Variants in NFIB observed in about 807,000 individuals in gnomAD.
The protein encoded by NFIB is nuclear factor I B.
A neutral mutation model predicts 61.5 loss-of-function variants in NFIB; 11 were observed. The observed-to-expected ratio is 0.18, with a 90% CI of 0.11 to 0.30. NFIB has a LOEUF of 0.30. NFIB is among the 10% of genes least tolerant of loss of function. NFIB has a pLI of 1.00. For synonymous variants in NFIB, 260 were observed against 216.5 expected (o/e 1.20, Z -1.76); for missense variants, 471 against 608.9 (o/e 0.77, Z 2.38).
At chr9:14,187,758 T>A (rs1229813989) in intron 2 of NFIB, among the ~76,000 whole-genome samples, 1 of 152,084 alleles carries the variant, frequency 6.6e-6, no homozygotes, top group Non-Finnish European at 1.5e-5. Flanking sequence ...AATAGGCCAC[T>A]GAAATTTAAG....
chr9:14,217,887 T>C (rs1414660312), intron 2 of NFIB, among the ~76,000 whole-genome samples: 1 of 152,028 alleles, frequency 6.6e-6, no homozygotes, highest in Non-Finnish European at 1.5e-5. Context: ...ATAAAATAGA[T>C]AGGTAAGTAA....
At chr9:14,220,657 C>G (rs2051531746) in intron 2 of NFIB, among the ~76,000 whole-genome samples, 3 of 152,082 alleles carry the variant, frequency 2.0e-5, no homozygotes. Flanking sequence ...ACACTCTCAA[C>G]CTCGTAAACT....
intron 1 of NFIB, among the ~76,000 whole-genome samples, chr9:14,365,839 G>A (rs1027241890): frequency 1.3e-5 from 2 of 152,130 alleles, no homozygotes; most frequent in Non-Finnish European, 2.9e-5. Context: ...GATCTAACGT[G>A]AGACCAAAAA....
At chr9:14,165,935 A>T (rs1204322807) in intron 3 of NFIB, among the ~76,000 whole-genome samples, 1 of 152,204 alleles carries the variant, frequency 6.6e-6, no homozygotes, top group Non-Finnish European at 1.5e-5. Flanking sequence ...TGGTTGCACA[A>T]TGACGTGAAT....
At chr9:14,299,084 G>A (rs763839300) in intron 2 of NFIB, among the ~76,000 whole-genome samples, 10 of 152,166 alleles carry the variant, frequency 6.6e-5, no homozygotes, top group African/African-American at 2.4e-4. Context: ...GAGGGGTATA[G>A]ACTTCATATT....
chr9:14,165,857 G>A (rs1042965056), intron 3 of NFIB, among the ~76,000 whole-genome samples: 5 of 152,166 alleles, frequency 3.3e-5, no homozygotes, highest in African/African-American at 1.2e-4. Context: ...GGGGAGAGTA[G>A]GGAATGGAGA....
intron 1 of NFIB, among the ~76,000 whole-genome samples, chr9:14,334,731 T>C (rs1477548552): frequency 6.6e-6 from 1 of 152,202 alleles, no homozygotes; most frequent in East Asian, 1.9e-4. Context: ...TAAAGCGTAC[T>C]AATTGATAAG....
intron 2 of NFIB, among the ~76,000 whole-genome samples, chr9:14,198,480 G>C (rs1184739494): frequency 6.6e-6 from 1 of 152,134 alleles, no homozygotes; most frequent in Non-Finnish European, 1.5e-5. Context: ...TAAACACAGA[G>C]CTCCAAAAAG....
At chr9:14,470,539 TA>T in the NFIB span, among the ~76,000 whole-genome samples, 1 of 152,180 alleles carries the variant, frequency 6.6e-6, no homozygotes, top group Non-Finnish European at 1.5e-5. Flanking sequence ...ATCTCTGGAC[TA>T]ATTAACAATG....
chr9:14,293,041 G>C (rs2059204026), intron 2 of NFIB, among the ~76,000 whole-genome samples: 1 of 152,134 alleles, frequency 6.6e-6, no homozygotes, highest in Admixed American at 6.5e-5. Flanking sequence ...TAAATGGTTT[G>C]TTTGTACTTT....
At chr9:14,315,250 G>C (rs1181302778), upstream of NFIB, among the ~76,000 whole-genome samples, 1 of 151,542 alleles carries the variant, frequency 6.6e-6, no homozygotes, top group Non-Finnish European at 1.5e-5. Flanking sequence ...CCAGGGGCCC[G>C]CACCCGAGGC....
At position 14,363,710 on chromosome 9, in the gene NFIB, G is replaced by A. The variant is rs113338012; in HGVS notation, c.108+34814C>T. On this transcript the variant is annotated intron_variant, in intron 1 of 8. Coordinates refer to the NFIB transcript ENST00000380934. ...GTAGCATAGAAAGTGGAAATCCCCCGTAATCCCACACAGCTGAGAAAAGCA... is the reference window on the plus strand; with the variant it reads ...GTAGCATAGAAAGTGGAAATCCCCCATAATCCCACACAGCTGAGAAAAGCA... Among the ~76,000 whole-genome samples, 651 of 151,668 alleles carry A rather than the reference G, an allele frequency of 4.3e-3. 5 individuals are homozygous for A. The highest frequency in any genetic ancestry group is 0.014 in the African/African-American group (579 of 41,364).
the NFIB span, among the ~76,000 whole-genome samples, chr9:14,494,903 C>T: frequency 6.6e-6 from 1 of 152,216 alleles, no homozygotes; most frequent in Admixed American, 6.5e-5. Context: ...ACAGAATCTT[C>T]CTTAAAATCG....
the NFIB span, among the ~76,000 whole-genome samples, chr9:14,411,707 T>C: frequency 3.9e-5 from 6 of 152,114 alleles, no homozygotes; most frequent in African/African-American, 1.4e-4. Flanking sequence ...AGGATGACCG[T>C]CTCCATGACA....
chr9:14,470,973 T>C, the NFIB span, among the ~76,000 whole-genome samples: 9 of 152,216 alleles, frequency 5.9e-5, no homozygotes, highest in Non-Finnish European at 1.0e-4. Context: ...GCCTAAAAGC[T>C]GACCTTGGAC....
At chr9:14,515,731 A>G in the NFIB span, among the ~76,000 whole-genome samples, 1 of 152,164 alleles carries the variant, frequency 6.6e-6, no homozygotes, top group Non-Finnish European at 1.5e-5. Context: ...GCCATGCGAA[A>G]ATGCAGAGGC....
chr9:14,344,519 G>A (rs1302149952), intron 1 of NFIB, among the ~76,000 whole-genome samples: 1 of 152,170 alleles, frequency 6.6e-6, no homozygotes, highest in Non-Finnish European at 1.5e-5. Context: ...TGATGGAAGA[G>A]CTTTATGGAT....
At chr9:14,359,385 G>C (rs1173412602) in intron 1 of NFIB, among the ~76,000 whole-genome samples, 3 of 152,192 alleles carry the variant, frequency 2.0e-5, no homozygotes, top group Non-Finnish European at 4.4e-5. Context: ...ACACACCAAA[G>C]AGACATAAAG....
chr9:14,198,817 A>G (rs2048721242), intron 2 of NFIB, among the ~76,000 whole-genome samples: 1 of 152,218 alleles, frequency 6.6e-6, no homozygotes, highest in Admixed American at 6.5e-5. Context: ...GTGACTATAG[A>G]GTCCTGAAAA....
Sources: allele counts gnomAD v4.1 joint callset (sites outside exome capture counted in the v4.1 genomes callset), GRCh38; gene constraint gnomAD v4.1.1; transcripts MANE v1.5; gene names NCBI Gene and HGNC (gene_info 2026-07-23, HGNC 2026-07-21).